ZNF385D: variants seen among roughly 807,000 people sequenced by gnomAD.
ZNF385D encodes the protein zinc finger protein 385D.
ZNF385D carries 15 observed loss-of-function variants against 35.8 expected under a neutral mutation model. The ratio of observed to expected loss-of-function variants is 0.42; its 90% CI spans 0.28 to 0.64. ZNF385D has a LOEUF of 0.64. Among genes scored for constraint, ZNF385D ranks in the 30% least tolerant of loss-of-function variants. The pLI, the probability that ZNF385D is intolerant of heterozygous loss-of-function variation, is 0.23. For missense variants in ZNF385D, 474 were observed against 494.6 expected (o/e 0.96, Z 0.39); for synonymous variants, 212 against 186.8 (o/e 1.13, Z -1.10).
chr3:21,752,427 T>G (rs2125561101), upstream of ZNF385D, among the ~76,000 whole-genome samples: 1 of 152,298 alleles, frequency 6.6e-6, no homozygotes, highest in East Asian at 1.9e-4. Context: ...CATTTTGATA[T>G]TAAAATATTC....
At chr3:22,028,942 T>G (rs1398149544) in intron 3 of ZNF385D, among the ~76,000 whole-genome samples, 1 of 152,184 alleles carries the variant, frequency 6.6e-6, no homozygotes, top group South Asian at 2.1e-4. Flanking sequence ...TATATGGTAC[T>G]GTTTCTCCCA....
intron 2 of ZNF385D, among the ~76,000 whole-genome samples, chr3:21,621,238 A>G (rs2064997099): frequency 6.6e-6 from 1 of 152,144 alleles, no homozygotes; most frequent in Non-Finnish European, 1.5e-5. Flanking sequence ...GATGCAAAAA[A>G]TTACATTTAT....
At chr3:21,800,565 G>A (rs1284216202) in intron 3 of ZNF385D, among the ~76,000 whole-genome samples, 1 of 152,088 alleles carries the variant, frequency 6.6e-6, no homozygotes, top group Non-Finnish European at 1.5e-5. Flanking sequence ...TTGAATCAAG[G>A]AATTTAAGGC....
intron 3 of ZNF385D, among the ~76,000 whole-genome samples, chr3:21,867,419 G>A (rs1044468703): frequency 2.0e-5 from 3 of 152,110 alleles, no homozygotes; most frequent in Non-Finnish European, 4.4e-5. Flanking sequence ...TGCAGCCAAG[G>A]CTGAGAACTA....
chr3:21,622,100 A>C (rs1039783535), intron 2 of ZNF385D, among the ~76,000 whole-genome samples: 1 of 152,036 alleles, frequency 6.6e-6, no homozygotes, highest in African/African-American at 2.4e-5. Flanking sequence ...ATGAGCTTCC[A>C]CTCATTTTTT....
At chr3:22,059,982 T>C (rs749010698) in intron 3 of ZNF385D, among the ~76,000 whole-genome samples, 1 of 152,180 alleles carries the variant, frequency 6.6e-6, no homozygotes, top group Non-Finnish European at 1.5e-5. Context: ...GTGACTTTTC[T>C]CTTTCTCCAC....
At chr3:21,932,823 G>GC (rs1481749266) in intron 3 of ZNF385D, among the ~76,000 whole-genome samples, 1 of 152,046 alleles carries the variant, frequency 6.6e-6, no homozygotes, top group African/African-American at 2.4e-5. Flanking sequence ...TTACAAATAT[G>GC]CTTGTTCGTT....
intron 3 of ZNF385D, among the ~76,000 whole-genome samples, chr3:21,935,911 TAG>T (rs1293494054): frequency 6.6e-6 from 1 of 152,128 alleles, no homozygotes; most frequent in Non-Finnish European, 1.5e-5. Context: ...CTTGTCAGAT[TAG>T]AGTCACATTT....
chr3:22,124,986 T>G (rs112445668), intron 3 of ZNF385D, among the ~76,000 whole-genome samples: 3 of 152,102 alleles, frequency 2.0e-5, no homozygotes, highest in African/African-American at 7.2e-5. Flanking sequence ...TCAAGAAATA[T>G]TTTCCCAGAC....
At chr3:21,766,785 G>C (rs573076671) in intron 3 of ZNF385D, among the ~76,000 whole-genome samples, 52 of 152,152 alleles carry the variant, frequency 3.4e-4, no homozygotes, top group African/African-American at 1.2e-3. Flanking sequence ...GAGAAATAAA[G>C]TAGTGGAGAT....
At chr3:21,533,487 T>C (rs573568420) in intron 3 of ZNF385D, among the ~76,000 whole-genome samples, 1 of 152,222 alleles carries the variant, frequency 6.6e-6, no homozygotes, top group Admixed American at 6.5e-5. Flanking sequence ...AAACCTTTGG[T>C]GAATGTCGAT....
intron 2 of ZNF385D, among the ~76,000 whole-genome samples, chr3:22,220,405 A>T (rs1442542854): frequency 6.6e-6 from 1 of 150,404 alleles, no homozygotes; most frequent in African/African-American, 2.5e-5. Flanking sequence ...CTCCAATTTC[A>T]ATCAGAACTC....
At chr3:21,917,411 A>C (rs1700242194) in intron 3 of ZNF385D, among the ~76,000 whole-genome samples, 1 of 149,890 alleles carries the variant, frequency 6.7e-6, no homozygotes, top group Non-Finnish European at 1.5e-5. Context: ...CAGCCTGGGC[A>C]ACAGAGTGAT....
rs144202448 is a variant in ZNF385D at position 21,483,658 on chromosome 3, C to T, written c.439+27203G>A. On this transcript the variant is annotated intron_variant, in intron 4 of 7. Transcript: ENST00000281523. ...CTTATAATGTGCTGATTTGCATTTC[C>T]CTGATAGCTAATAATGTGGAATATC... is the stretch of plus-strand genomic sequence containing the variant. 6.6e-5 allele frequency among the ~76,000 whole-genome samples: 10 copies of T among 152,086 alleles called. No individual in the cohort carries two copies. The East Asian group carries it at 1.7e-3, about 27-fold the overall frequency.
At chr3:21,971,072 C>A (rs1351741493) in intron 3 of ZNF385D, among the ~76,000 whole-genome samples, 2 of 151,954 alleles carry the variant, frequency 1.3e-5, no homozygotes, top group East Asian at 3.9e-4. Flanking sequence ...CTAAAGGGAG[C>A]TCTTCAATTT....
At chr3:22,032,955 G>A (rs961178969) in intron 3 of ZNF385D, among the ~76,000 whole-genome samples, 4 of 152,104 alleles carry the variant, frequency 2.6e-5, no homozygotes, top group African/African-American at 9.7e-5. Flanking sequence ...ATAGTAGCAT[G>A]AAAGTTTGAT....
chr3:21,580,807 G>GTATATA, intron 2 of ZNF385D, among the ~76,000 whole-genome samples: 1 of 150,862 alleles, frequency 6.6e-6, no homozygotes, highest in South Asian at 2.1e-4. Flanking sequence ...CTATGTGTGT[G>GTATATA]TATATATATA....
At position 21,799,804 on chromosome 3, in the gene ZNF385D, C is replaced by T. The variant is rs778693704; in HGVS notation, c.326-134776G>A. The stretch of plus-strand genomic sequence containing the variant: ...TTTCTTGTTACTTTTACTTTTGAAA[C>T]GATATGTAAAAATTCATTGCCATAT... On this transcript the variant is annotated intron_variant, in intron 3 of 5. Coordinates refer to the ZNF385D transcript ENST00000494108. Among the ~76,000 whole-genome samples, 19 of 151,934 alleles carry T rather than the reference C, an allele frequency of 1.3e-4. 1 individual carries two copies. Among genetic ancestry groups the T allele is most frequent in the South Asian group, 1.2e-3 (6 of 4,828 alleles).
At chr3:21,569,601 C>G (rs58049694) in intron 2 of ZNF385D, among the ~76,000 whole-genome samples, 2,062 of 150,386 alleles carry the variant, frequency 0.014, 48 homozygotes, top group African/African-American at 0.048. Flanking sequence ...TTGATCCTGT[C>G]ATTATGATGT....
Sources: gnomAD v4.1 joint callset for allele counts (sites outside exome capture counted in the v4.1 genomes callset) on GRCh38, gnomAD v4.1.1 for gene constraint, MANE v1.5 for transcripts, NCBI Gene and HGNC (gene_info 2026-07-23, HGNC 2026-07-21) for gene names.